ESR1: variants seen among roughly 807,000 people sequenced by gnomAD.
The protein encoded by ESR1 is estrogen receptor.
In ESR1, 12 loss-of-function variants were observed where a neutral mutation model predicts 52.7. The ratio of observed to expected loss-of-function variants is 0.23; its 90% CI spans 0.15 to 0.37. ESR1 has a LOEUF of 0.37. ESR1 is among the 10% of genes least tolerant of loss of function. The pLI is 1.00. For synonymous variants in ESR1, 305 were observed against 316.8 expected, an observed-to-expected ratio of 0.96 and a Z score of 0.39; for missense variants, 584 against 779.7, an observed-to-expected ratio of 0.75 and a Z score of 2.99.
At chr6:151,678,736 G>A (rs1778346212) in intron 1 of ESR1, among the ~76,000 whole-genome samples, 1 of 151,440 alleles carries the variant, frequency 6.6e-6, no homozygotes, top group South Asian at 2.1e-4. Flanking sequence ...GCCTGGGCTG[G>A]AGTACAGTGG....
rs1161768494 is a variant in ESR1 at position 152,102,877 on chromosome 6, A to G, written c.*3911A>G. On this transcript the variant is annotated 3_prime_UTR_variant, in exon 8 of 8. Transcript: ENST00000206249. ...TAGAGCTGTGCACCCTAGAAACAAC[A>G]TATTGTCCCATGAGCAGGTGCCTGA... 8.8e-6 allele frequency: 2 copies of G among 226,320 alleles called. No homozygotes were observed. Among genetic ancestry groups the G allele is most frequent in the Non-Finnish European group, 1.8e-5 (2 of 113,576 alleles). 14.0% of individuals were successfully genotyped at this position (226,320 alleles called of 1,614,324 possible). A position where few individuals can be genotyped will look rare whatever the true frequency, so the allele number is the denominator to read the frequency against.
At chr6:151,906,586 A>G (rs965680470) in intron 3 of ESR1, among the ~76,000 whole-genome samples, 10 of 151,524 alleles carry the variant, frequency 6.6e-5, no homozygotes, top group African/African-American at 2.4e-4. Context: ...TAGCAACAAA[A>G]TACCGGCAAG....
chr6:151,835,780 C>T (rs566759252), intron 1 of ESR1, among the ~76,000 whole-genome samples: 1 of 143,738 alleles, frequency 7.0e-6, no homozygotes, highest in South Asian at 2.3e-4. Context: ...AGAATTTGGA[C>T]TTAAGTCTAT....
At chr6:151,848,637 G>A (rs1785652585) in intron 2 of ESR1, among the ~76,000 whole-genome samples, 1 of 152,092 alleles carries the variant, frequency 6.6e-6, no homozygotes, top group Non-Finnish European at 1.5e-5. Context: ...GAAAAGGTTA[G>A]AGAATGGGGT....
At chr6:151,848,418 T>C (rs1305238334) in intron 2 of ESR1, among the ~76,000 whole-genome samples, 1 of 138,726 alleles carries the variant, frequency 7.2e-6, no homozygotes, top group Non-Finnish European at 1.6e-5. Flanking sequence ...GCATGGCACA[T>C]GTATACATAT....
At chr6:151,759,071 T>G (rs1784474071) in intron 2 of ESR1, among the ~76,000 whole-genome samples, 1 of 151,344 alleles carries the variant, frequency 6.6e-6, no homozygotes, top group Non-Finnish European at 1.5e-5. Context: ...GGTCAAGAGA[T>G]CAAGACAATC....
chr6:151,674,010 A>C (rs1778168185), intron 1 of ESR1, among the ~76,000 whole-genome samples: 1 of 151,710 alleles, frequency 6.6e-6, no homozygotes, highest in Non-Finnish European at 1.5e-5. Flanking sequence ...AAATTGCATC[A>C]TTTTCTTTTT....
At chr6:151,737,545 A>G (rs889431117) in intron 2 of ESR1, among the ~76,000 whole-genome samples, 2 of 152,186 alleles carry the variant, frequency 1.3e-5, no homozygotes, top group African/African-American at 4.8e-5. Context: ...AAATTTATCT[A>G]TTCCTTGAGT....
chr6:151,802,212 C>A (rs1777320199), upstream of ESR1, among the ~76,000 whole-genome samples: 1 of 152,090 alleles, frequency 6.6e-6, no homozygotes, highest in Admixed American at 6.5e-5. Flanking sequence ...TAATCAAAAA[C>A]CCTTAAAATA....
chr6:151,846,835 G>A (rs1304006698), intron 2 of ESR1, among the ~76,000 whole-genome samples: 1 of 152,184 alleles, frequency 6.6e-6, no homozygotes, highest in Non-Finnish European at 1.5e-5. Context: ...TGTTCCTTAA[G>A]ATGTGTTTTA....
Position 151,904,835 on chromosome 6 carries a change from T to G in ESR1, c.760+24064T>G, listed in dbSNP as rs1011176798. 4.6e-5 allele frequency among the ~76,000 whole-genome samples: 7 copies of G among 152,300 alleles called. No homozygotes were observed. The South Asian group carries it at 1.0e-3, about 23-fold the overall frequency. ...GTGGATGTATCATTTACTCCCAAGA[T>G]GTTGGTTTTTGGCATTTAGTACTGG... On this transcript the variant is annotated intron_variant, in intron 3 of 7. Coordinates refer to ENST00000206249, the MANE Select transcript of ESR1 (RefSeq NM_000125.4).
At chr6:151,909,676 G>A (rs182408335) in intron 3 of ESR1, among the ~76,000 whole-genome samples, 25 of 152,278 alleles carry the variant, frequency 1.6e-4, no homozygotes, top group African/African-American at 5.5e-4. Flanking sequence ...CTGGGTTCAG[G>A]GCTGAGGTGC....
At chr6:152,076,449 A>G (rs35237247) in intron 6 of ESR1, among the ~76,000 whole-genome samples, 31,882 of 151,912 alleles carry the variant, frequency 0.21, 4,678 homozygotes, top group African/African-American at 0.4. Flanking sequence ...AAAATGGACT[A>G]ATACAGTAAA....
At chr6:151,792,704 G>T (rs1158709323) in intron 2 of ESR1, among the ~76,000 whole-genome samples, 1 of 152,146 alleles carries the variant, frequency 6.6e-6, no homozygotes, top group African/African-American at 2.4e-5. Context: ...CTCCCAGCAT[G>T]CTGGGATTAT....
At chr6:152,047,867 G>C (rs985699451) in intron 5 of ESR1, among the ~76,000 whole-genome samples, 5 of 151,826 alleles carry the variant, frequency 3.3e-5, no homozygotes, top group Admixed American at 6.6e-5. Context: ...ATGTGCTCCC[G>C]GCTCTCCAGG....
In ESR1 at chr6:151,972,922, G is replaced by T. The variant is rs577771980; in HGVS notation, c.1096+28414G>T. ...CTTCACGTCAGAAATTCGAGGGCAG[G>T]AAGCATCCAGCATGGGAGAAAGATG... On this transcript the variant is annotated intron_variant, in intron 4 of 7. Transcript: ENST00000206249. 1.3e-3 allele frequency among the ~76,000 whole-genome samples: 196 copies of T among 152,304 alleles called. 1 individual carries two copies. The highest frequency in any genetic ancestry group is 4.4e-3 in the African/African-American group (183 of 41,584).
At chr6:152,070,316 G>A (rs2048268080) in intron 6 of ESR1, among the ~76,000 whole-genome samples, 1 of 137,344 alleles carries the variant, frequency 7.3e-6, no homozygotes, top group South Asian at 2.3e-4. Context: ...CCCTCCCTCT[G>A]TCCTTGTTCC....
intron 6 of ESR1, among the ~76,000 whole-genome samples, chr6:152,116,302 G>C (rs188603074): frequency 5.3e-5 from 8 of 152,168 alleles, no homozygotes; most frequent in Admixed American, 5.2e-4. Context: ...TACTGCAGCC[G>C]TGATTCCTAA....
chr6:152,049,743 G>T (rs998055132), intron 5 of ESR1, among the ~76,000 whole-genome samples: 1 of 152,190 alleles, frequency 6.6e-6, no homozygotes, highest in African/African-American at 2.4e-5. Context: ...CTGTGCCAGG[G>T]ATGTGATTAG....
Sources: allele counts gnomAD v4.1 joint callset (sites outside exome capture counted in the v4.1 genomes callset), GRCh38; gene constraint gnomAD v4.1.1; transcripts MANE v1.5; gene names NCBI Gene and HGNC (gene_info 2026-07-23, HGNC 2026-07-21).